The following AGO1 variants were observed in gnomAD, a reference collection of about 807,000 sequenced individuals.
AGO1 encodes argonaute RISC component 1.
Under a neutral mutation model 109.2 loss-of-function variants are expected in AGO1, and 11 were observed. The observed-to-expected ratio is 0.10, with a 90% CI of 0.06 to 0.17. The LOEUF (loss-of-function observed/expected upper bound fraction) is 0.17, where lower values mean the gene tolerates loss of function less well. Ranked by LOEUF, AGO1 falls within the 10% of genes least tolerant of loss-of-function variation. The probability of loss-of-function intolerance (pLI) is 1.00; values close to 1 mark genes in which losing one functional copy is unlikely to be tolerated. For missense variants in AGO1, 574 were observed against 1,140.3 expected, an observed-to-expected ratio of 0.50 and a Z score of 7.15; for synonymous variants, 422 against 418.6, an observed-to-expected ratio of 1.01 and a Z score of -0.10.
chr1:35,895,052 GT>G (rs1437614912), intron 7 of AGO1, 69 bp from the exon 8 acceptor site: 52 of 1,504,768 alleles, frequency 3.5e-5, no homozygotes, highest in Non-Finnish European at 7.1e-6. Flanking sequence ...GGCTTCCATG[GT>G]TGTGGGTCTA....
In AGO1 at chr1:35,924,136, T is replaced by C. The variant is rs1019646938; in HGVS notation, c.*4529T>C. 3 of 152,738 alleles carry C rather than the reference T, an allele frequency of 2.0e-5. No individual in the cohort carries two copies. The highest frequency in any genetic ancestry group is 7.2e-5 in the African/African-American group (3 of 41,452). 9.5% of individuals were successfully genotyped at this position (152,738 alleles called of 1,614,324 possible). ...GTTTGCATTTGTTTCCCTTTGAGAT[T>C]TGTGTTTGTGTCCTGCTTTGAGCTG... On this transcript the variant is annotated 3_prime_UTR_variant, in exon 19 of 19. Transcript: ENST00000373204.
rs1645151758 is a variant in AGO1 at position 35,888,221 on chromosome 1, A to C, written c.26-206A>C. 6.6e-6 allele frequency among the ~76,000 whole-genome samples: 1 copy of C among 152,202 alleles called. No homozygotes were observed. Among genetic ancestry groups the C allele is most frequent in the Non-Finnish European group, 1.5e-5 (1 of 68,046 alleles). On this transcript the variant is annotated intron_variant, in intron 1 of 18. Coordinates refer to ENST00000373204, the MANE Select transcript of AGO1 (RefSeq NM_012199.5). This position sits in a 1 kb window ranked among gnomAD's most constrained non-coding sequence, Gnocchi z 4.1. ...AATAGACAATAAGGATAATTTTCCT[A>C]ACTGGAGAGAGATTAAAAAAGAAAA...
Position 35,904,148 on chromosome 1 carries a change from G to C in AGO1, c.1397+1811G>C, listed in dbSNP as rs1319850078. Among the ~76,000 whole-genome samples, 12 of 116,718 alleles carry C rather than the reference G, an allele frequency of 1.0e-4. No individual in the cohort carries two copies. The East Asian group carries it at 2.4e-3, about 23-fold the overall frequency. 76.6% of individuals were successfully genotyped at this position (116,718 alleles called of 152,430 possible). ...TTTTTTTGAGGCGGAGTCTCTCTCT[G>C]TCGTCCAGGTGCAGTGGCGCCATCT... is the stretch of plus-strand genomic sequence containing the variant. On this transcript the variant is annotated intron_variant, in intron 11 of 18. Transcript: ENST00000373204.
chr1:35,894,066 C>A lies in AGO1; in HGVS notation c.679C>A (p.Pro227Thr). The change falls in exon 6 of 19, where the codon CCA becomes ACA. Residue 227 changes from proline to threonine, a missense_variant. Coordinates refer to ENST00000373204, the MANE Select transcript of AGO1 (RefSeq NM_012199.5). The part of the protein sequence containing the change: ...VSATAFYKAQ[P>T]VIEFMCEVLD... ...AGCCACTGCCTTTTATAAGGCACAG[C>A]CAGTGATTGAGTTCATGTGTGAGGT... 6.4e-7 allele frequency: 1 copy of A among 1,570,428 alleles called. No individual in the cohort carries two copies. Among genetic ancestry groups the A allele is most frequent in the South Asian group, 1.2e-5 (1 of 83,236 alleles).
rs777924524 is a variant in AGO1, at chr1:35,893,225, C to T, written c.459C>T (p.Pro153=). ...TGGTCAGCGGCCAGATCCCTGTTCC[C>T]TTGGAGTCTGTGCAAGCCCTGGATG... is the stretch of plus-strand genomic sequence containing the variant. The part of the protein sequence containing the change: ...EALVSGQIPV[P]LESVQALDVA... The change falls in exon 4 of 19, where the codon CCC becomes CCT. Residue 153 remains proline, a synonymous_variant. Coordinates refer to ENST00000373204, the MANE Select transcript of AGO1 (RefSeq NM_012199.5). The surrounding 1 kb of genome is among the most constrained non-coding windows in gnomAD (Gnocchi z 5.6). The T allele has an allele frequency of 5.0e-6, 8 of 1,613,980 alleles. No individual in the cohort carries two copies. The highest frequency in any genetic ancestry group is 5.9e-6 in the Non-Finnish European group (7 of 1,180,020).
At chr1:35,881,936 T>C (rs968065962), upstream of AGO1, among the ~76,000 whole-genome samples, 1 of 152,194 alleles carries the variant, frequency 6.6e-6, no homozygotes, top group Non-Finnish European at 1.5e-5. Flanking sequence ...GTGATACGTC[T>C]AGCAAGATAT....
At position 35,917,641 on chromosome 1, in the gene AGO1, G is replaced by C; in HGVS notation, c.2077G>C (p.Glu693Gln). The change falls in exon 16 of 19, where the codon GAA (glutamate) becomes CAA (glutamine). Residue 693 changes from glutamate to glutamine, a missense_variant. Physicochemically the swap from Glu to Gln is conservative, Grantham distance 29. Around this residue, in one of 8 missense-constraint regions of AGO1, gnomAD observed 62 missense variants for 192.0 expected, o/e 0.32. Transcript: ENST00000373204. ...CATTCGTGATGCCTGCATCAAACTG[G>C]AAAAGGACTACCAGCCTGGGATCAC... Reference protein sequence around the residue: ...LAIRDACIKLEKDYQPGITYI... With the variant: ...LAIRDACIKLQKDYQPGITYI... 6.2e-7 allele frequency: 1 copy of C among 1,613,824 alleles called. No homozygotes were observed. The highest frequency in any genetic ancestry group is 8.5e-7 in the Non-Finnish European group (1 of 1,179,768).
Position 35,901,098 on chromosome 1 carries a change from A to C in AGO1, c.1021-376A>C, listed in dbSNP as rs970645185. On this transcript the variant is annotated intron_variant, in intron 8 of 18. Transcript: ENST00000373204. The surrounding 1 kb of genome is among the most constrained non-coding windows in gnomAD (Gnocchi z 4.8). ...CCGGTTCAAGCGATTCTTGTTCCTC[A>C]GCCTCCTGAGTAGCTGGGATTACAG... Among the ~76,000 whole-genome samples, 4 of 150,496 alleles carry C rather than the reference A, an allele frequency of 2.7e-5. No homozygotes were observed. The highest frequency in any genetic ancestry group is 2.0e-4 in the East Asian group (1 of 5,002).
intron 2 of AGO1, among the ~76,000 whole-genome samples, chr1:35,891,901 A>G (rs1472394441): frequency 6.7e-6 from 1 of 148,412 alleles, no homozygotes; most frequent in African/African-American, 2.5e-5. Flanking sequence ...TTTTTGAGAC[A>G]GGGTCTCGCT....
Position 35,902,997 on chromosome 1 carries a change from G to A in AGO1, c.1397+660G>A, listed in dbSNP as rs528018795. Among the ~76,000 whole-genome samples, 136 of 144,660 alleles carry A rather than the reference G, an allele frequency of 9.4e-4. 3 individuals carry two copies. The East Asian group carries it at 0.028, about 30-fold the overall frequency. The allele number at this position is 144,660 out of a possible 152,430, so 94.9% of individuals were successfully genotyped here. A position where few individuals can be genotyped will look rare whatever the true frequency, so the allele number is the denominator to read the frequency against. On this transcript the variant is annotated intron_variant, in intron 11 of 18. Coordinates refer to ENST00000373204, the MANE Select transcript of AGO1 (RefSeq NM_012199.5). ...AGAAGTCAACAACCCCTCACCTGGA[G>A]TCTTTTTTTTTTTTTTTTTTTTTTT...
In AGO1 at chr1:35,915,359, T is replaced by C. The variant is rs1390797463; in HGVS notation, c.1845T>C (p.Ser615=). ...TCTCTGACTGTCAGGTGGTAGGCAG[T>C]ATGGATGCCCACCCCAGCCGATACT... ...KKPSITAVVG[S]MDAHPSRYCA... The change falls in exon 15 of 19, where the codon AGT becomes AGC. Residue 615 remains serine (S), a synonymous_variant. Coordinates refer to ENST00000373204, the MANE Select transcript of AGO1 (RefSeq NM_012199.5). 2.5e-6 allele frequency: 4 copies of C among 1,613,666 alleles called. No individual in the cohort carries two copies. Among genetic ancestry groups the C allele is most frequent in the Admixed American group, 1.7e-5 (1 of 60,004 alleles).
chr1:35,891,124 G>A (rs1202809837), intron 2 of AGO1, among the ~76,000 whole-genome samples: 2 of 152,190 alleles, frequency 1.3e-5, no homozygotes, highest in Non-Finnish European at 2.9e-5. Flanking sequence ...TAGTGTAGGA[G>A]GGATAGAAGT....
At chr1:35,879,312 G>A (rs942536901), upstream of AGO1, among the ~76,000 whole-genome samples, 4 of 152,054 alleles carry the variant, frequency 2.6e-5, no homozygotes. Context: ...GCCAGGTGTG[G>A]TGGTGCATGC....
Position 35,901,624 on chromosome 1 carries a change from T to C in AGO1, c.1140+31T>C, listed in dbSNP as rs749054455. ...TGGGCCTACTCATTTGCTCAGTCATTGGGGCCATTGGTAGCATAAATGTTT... is the reference window on the plus strand; with the variant it reads ...TGGGCCTACTCATTTGCTCAGTCATCGGGGCCATTGGTAGCATAAATGTTT... On this transcript the variant is annotated intron_variant, in intron 9 of 18. Coordinates refer to ENST00000373204, the MANE Select transcript of AGO1 (RefSeq NM_012199.5). The surrounding 1 kb of genome is among the most constrained non-coding windows in gnomAD (Gnocchi z 4.8). The C allele has an allele frequency of 9.9e-6, 16 of 1,613,574 alleles. No individual in the cohort carries two copies. The highest frequency in any genetic ancestry group is 7.7e-5 in the South Asian group (7 of 90,996).
rs1410151402 is a variant in AGO1, at chr1:35,895,360, A to G, written c.1020+91A>G. ...TCTGTTCTTTCATTTTGAAGTTTGGAAAACTGACATTCTGAGAAGGTATGA... is the reference window on the plus strand; with the variant it reads ...TCTGTTCTTTCATTTTGAAGTTTGGGAAACTGACATTCTGAGAAGGTATGA... On this transcript the variant is annotated intron_variant, in intron 8 of 18. Coordinates refer to ENST00000373204, the MANE Select transcript of AGO1 (RefSeq NM_012199.5). 4.3e-6 allele frequency: 6 copies of G among 1,398,486 alleles called. No homozygotes were observed. In the Admixed American group the frequency reaches 1.2e-4, roughly 29 times the overall value. The allele number at this position is 1,398,486 out of a possible 1,614,324, so 86.6% of individuals were successfully genotyped here. A position where few individuals can be genotyped will look rare whatever the true frequency, so the allele number is the denominator to read the frequency against.
At position 35,893,037 on chromosome 1, in the gene AGO1, T is replaced by TG. The variant is rs1645250211; in HGVS notation, c.331-55dup. On this transcript the variant is annotated intron_variant, in intron 3 of 18. Transcript: ENST00000373204. The surrounding 1 kb of genome is among the most constrained non-coding windows in gnomAD (Gnocchi z 5.6). ...CATGTTCTCAGCAAATCCATGGAGT[T>TG]GGGGGTCATTCTCGCAGAGCAATGG... The TG allele has an allele frequency of 6.7e-7, 1 of 1,489,806 alleles. No individual in the cohort carries two copies. The highest frequency in any genetic ancestry group is 9.2e-7 in the Non-Finnish European group (1 of 1,085,814). The allele number at this position is 1,489,806 out of a possible 1,614,324, so 92.3% of individuals were successfully genotyped here.
At position 35,883,842 on chromosome 1, in the gene AGO1, C is replaced by A. The variant is rs937099446; in HGVS notation, c.25+396C>A. 1.3e-5 allele frequency among the ~76,000 whole-genome samples: 2 copies of A among 152,184 alleles called. No individual in the cohort carries two copies. Among genetic ancestry groups the A allele is most frequent in the Non-Finnish European group, 2.9e-5 (2 of 68,016 alleles). On this transcript the variant is annotated intron_variant, in intron 1 of 18. Transcript: ENST00000373204. The surrounding 1 kb of genome is among the most constrained non-coding windows in gnomAD (Gnocchi z 5.4). The stretch of plus-strand genomic sequence containing the variant: ...TACCGCATGCCGGGGGCGGGGGCTC[C>A]GCTGGGCTGGAATAGGCTAATGTCT...
chr1:35,892,490 A>G, intron 2 of AGO1, 67 bp from the exon 3 acceptor site: 1 of 1,610,166 alleles, frequency 6.2e-7, no homozygotes, highest in Non-Finnish European at 8.5e-7. Context: ...CTGGACTTTG[A>G]ATTACTTCCA....
intron 11 of AGO1, among the ~76,000 whole-genome samples, chr1:35,903,566 C>T (rs964895006): frequency 6.6e-6 from 1 of 151,966 alleles, no homozygotes; most frequent in Non-Finnish European, 1.5e-5. Context: ...CATGAGAATT[C>T]GTTCTTAGCT....
Sources: gnomAD v4.1 joint callset for allele counts (sites outside exome capture counted in the v4.1 genomes callset) on GRCh38, gnomAD v4.1.1 for gene constraint, gnomAD v4.1.1 regional missense constraint, Gnocchi (gnomAD v3.1) non-coding constraint, MANE v1.5 for transcripts, NCBI Gene and HGNC (gene_info 2026-07-23, HGNC 2026-07-21) for gene names.